TAAR1: variants seen among roughly 807,000 people sequenced by gnomAD.
TAAR1 encodes the protein trace amine-associated receptor 1.
A neutral mutation model predicts 1.2 loss-of-function variants in TAAR1; 1 was observed. The ratio of observed to expected loss-of-function variants is 0.81; its 90% CI spans 0.29 to 3.86. The LOEUF is 3.86. TAAR1 is among the 30% of genes most tolerant of loss of function. The pLI is 0.18. For missense variants in TAAR1, 445 were observed against 405.6 expected (o/e 1.10, Z -0.83); for synonymous variants, 153 against 132.2 (o/e 1.16, Z -1.08).
In TAAR1 at chr6:132,646,123, C is replaced by T; in HGVS notation, c.-120G>A. The T allele has an allele frequency of 1.7e-6, 2 of 1,154,142 alleles. No homozygotes were observed. The highest frequency in any genetic ancestry group is 1.2e-6 in the Non-Finnish European group (1 of 823,056). 71.5% of individuals were successfully genotyped at this position (1,154,142 alleles called of 1,614,324 possible). On this transcript the variant is annotated 5_prime_UTR_variant, in exon 2 of 2. Coordinates refer to ENST00000275216, the MANE Select transcript of TAAR1 (RefSeq NM_138327.4). ...ATTTTTTATTTGCACATACTTATCC[C>T]AGAAACCTAGGAGGAAAAATAAAAG... is the stretch of plus-strand genomic sequence containing the variant.
At chr6:132,649,185 A>T (rs1777719995) in intron 1 of TAAR1, among the ~76,000 whole-genome samples, 1 of 152,104 alleles carries the variant, frequency 6.6e-6, no homozygotes, top group Admixed American at 6.6e-5. Flanking sequence ...TACTCACAAA[A>T]CCCTTCCAAG....
Position 132,644,925 on chromosome 6 carries a change from A to G in TAAR1, c.*59T>C, listed in dbSNP as rs113788894. 545 of 1,383,116 alleles carry G rather than the reference A, an allele frequency of 3.9e-4. 3 individuals are homozygous for G. In the African/African-American group the frequency reaches 7.2e-3, roughly 18 times the overall value. 85.7% of individuals were successfully genotyped at this position (1,383,116 alleles called of 1,614,324 possible). On this transcript the variant is annotated 3_prime_UTR_variant, in exon 2 of 2. Transcript: ENST00000275216. ...ATGTGGTTGGTGCATGTGGTTCGTT[A>G]TGTTGTGTTCATAAATATGATCATC...
chr6:132,656,623 TA>T (rs998278316), intron 1 of TAAR1, among the ~76,000 whole-genome samples: 3 of 151,968 alleles, frequency 2.0e-5, no homozygotes, highest in East Asian at 1.9e-4. Flanking sequence ...CATAGAACCT[TA>T]AAAAAAATTC....
rs1777651909 is a variant in TAAR1 at position 132,645,334 on chromosome 6, T to G, written c.670A>C (p.Ile224Leu). ...TGGAGCTTCTGATTGGCATCACTAA[T>G]TAATCTTGCCTGTTCTTTAGCGATA... Reference protein sequence around the residue: ...YLIAKEQARLISDANQKLQIG... With the variant: ...YLIAKEQARLLSDANQKLQIG... Residue 224 changes from isoleucine to leucine, a missense_variant, in exon 2 of 2, where the codon ATT becomes CTT. Physicochemically the swap from Ile to Leu is conservative, Grantham distance 5 (BLOSUM62 2). Transcript: ENST00000275216. The G allele has an allele frequency of 6.2e-7, 1 of 1,613,560 alleles. No homozygotes were observed.
Position 132,644,896 on chromosome 6 carries a change from AT to A in TAAR1, c.*87del. ...ACTCAAGTAACTGATTTAAAAAAAA[AT>A]CCATGTGGTTGGTGCATGTGGTTCG... is the stretch of plus-strand genomic sequence containing the variant. On this transcript the variant is annotated 3_prime_UTR_variant, in exon 2 of 2. Coordinates refer to ENST00000275216, the MANE Select transcript of TAAR1 (RefSeq NM_138327.4). 2 of 1,117,356 alleles carry A rather than the reference AT, an allele frequency of 1.8e-6. No homozygotes were observed. The highest frequency in any genetic ancestry group is 3.0e-4 in the Middle Eastern group (1 of 3,284). 69.2% of individuals were successfully genotyped at this position (1,117,356 alleles called of 1,614,324 possible).
Position 132,644,779 on chromosome 6 carries a change from T to C in TAAR1, c.*205A>G, listed in dbSNP as rs542765775. Among the ~76,000 whole-genome samples the C allele has an allele frequency of 2.7e-4, 41 of 152,200 alleles. No homozygotes were observed. Among genetic ancestry groups the C allele is most frequent in the Non-Finnish European group, 4.4e-4 (30 of 67,986 alleles). ...ATACTGGATTTGCAAAGTTCCATTA[T>C]GTGTGGTAAGAATGGAAAAGCGTAT... On this transcript the variant is annotated 3_prime_UTR_variant, in exon 2 of 2. Coordinates refer to ENST00000275216, the MANE Select transcript of TAAR1 (RefSeq NM_138327.4).
Position 132,644,915 on chromosome 6 carries a change from G to A in TAAR1, c.*69C>T. The A allele has an allele frequency of 4.6e-6, 6 of 1,294,472 alleles. No individual in the cohort carries two copies. Among genetic ancestry groups the A allele is most frequent in the Non-Finnish European group, 6.2e-6 (6 of 962,968 alleles). The allele number at this position is 1,294,472 out of a possible 1,614,324, so 80.2% of individuals were successfully genotyped here. A position where few individuals can be genotyped will look rare whatever the true frequency, so the allele number is the denominator to read the frequency against. On this transcript the variant is annotated 3_prime_UTR_variant, in exon 2 of 2. Transcript: ENST00000275216. ...AAAAAAATCCATGTGGTTGGTGCAT[G>A]TGGTTCGTTATGTTGTGTTCATAAA... is the stretch of plus-strand genomic sequence containing the variant.
In TAAR1 at chr6:132,645,351, T is replaced by A. The variant is rs202026301; in HGVS notation, c.653A>T (p.Lys218Ile). Reference sequence around the variant, plus strand: ...ATCACTAATTAATCTTGCCTGTTCTTTAGCGATAAGATATATTCTGTAATA... The same window carrying A: ...ATCACTAATTAATCTTGCCTGTTCTATAGCGATAAGATATATTCTGTAATA... ...CVYYRIYLIA[K>I]EQARLISDAN... The change falls in exon 2 of 2, where the codon AAA (lysine) becomes ATA (isoleucine). Residue 218 changes from lysine to isoleucine, a missense_variant. Physicochemically the swap from Lys to Ile is moderately radical, Grantham distance 102. Coordinates refer to ENST00000275216, the MANE Select transcript of TAAR1 (RefSeq NM_138327.4). 6.2e-7 allele frequency: 1 copy of A among 1,613,482 alleles called. No homozygotes were observed. Among genetic ancestry groups the A allele is most frequent in the East Asian group, 2.2e-5 (1 of 44,852 alleles).
intron 1 of TAAR1, among the ~76,000 whole-genome samples, chr6:132,653,123 G>C (rs932081071): frequency 6.6e-6 from 1 of 152,068 alleles, no homozygotes; most frequent in Non-Finnish European, 1.5e-5. Context: ...AAAATCACCT[G>C]AGCTCCAAAG....
intron 1 of TAAR1, among the ~76,000 whole-genome samples, chr6:132,654,352 G>A (rs1203875051): frequency 6.6e-6 from 1 of 152,132 alleles, no homozygotes; most frequent in African/African-American, 2.4e-5. Flanking sequence ...GGTCTCTCGT[G>A]CTCTATGTCA....
At chr6:132,647,002 G>A (rs1010631211) in intron 1 of TAAR1, among the ~76,000 whole-genome samples, 1 of 152,028 alleles carries the variant, frequency 6.6e-6, no homozygotes, top group African/African-American at 2.4e-5. Flanking sequence ...TGATATTGTG[G>A]TCCCACTTAT....
chr6:132,645,800 C>T lies in TAAR1; in HGVS notation c.204G>A (p.Val68=), dbSNP rs1445133860. 2 of 1,613,736 alleles carry T rather than the reference C, an allele frequency of 1.2e-6. No individual in the cohort carries two copies. The highest frequency in any genetic ancestry group is 1.7e-6 in the Non-Finnish European group (2 of 1,179,826). Residue 68 remains valine (V), a synonymous_variant, in exon 2 of 2, where the codon GTG becomes GTA. Transcript: ENST00000275216. ...TGACCAGACACCCCAGAAGAAAGTCCACAGTGGCCATGGAATGAATGAGCC... is the reference window on the plus strand; with the variant it reads ...TGACCAGACACCCCAGAAGAAAGTCTACAGTGGCCATGGAATGAATGAGCC... ...TNWLIHSMAT[V]DFLLGCLVMP... is the part of the protein sequence containing the mutation.
chr6:132,656,254 T>A (rs1324293873), intron 1 of TAAR1, among the ~76,000 whole-genome samples: 2 of 152,250 alleles, frequency 1.3e-5, no homozygotes, highest in Non-Finnish European at 2.9e-5. Flanking sequence ...ATGCTTATAA[T>A]AGCATCTTGT....
intron 1 of TAAR1, among the ~76,000 whole-genome samples, chr6:132,652,221 G>A (rs779024379): frequency 6.6e-6 from 1 of 151,644 alleles, no homozygotes; most frequent in Non-Finnish European, 1.5e-5. Context: ...TTGGCCTTCA[G>A]GTGAAAAACT....
intron 1 of TAAR1, among the ~76,000 whole-genome samples, chr6:132,658,751 A>G (rs1562205800): frequency 2.0e-5 from 3 of 152,234 alleles, no homozygotes; most frequent in Non-Finnish European, 2.9e-5. Context: ...TAGCCAATGT[A>G]CACAGCATAG....
intron 1 of TAAR1, among the ~76,000 whole-genome samples, chr6:132,657,661 T>C (rs188255220): frequency 1.3e-5 from 2 of 152,134 alleles, no homozygotes; most frequent in African/African-American, 4.8e-5. Flanking sequence ...GAAATAAGTA[T>C]GGAATGGAAT....
At position 132,645,004 on chromosome 6, in the gene TAAR1, A is replaced by C. The variant is rs1562201597; in HGVS notation, c.1000T>G (p.Phe334Val). The part of the protein sequence containing the change: ...FQKDSSRCKL[F>V]LELSS ...TAATTCTATGAACTCAATTCCAAAA[A>C]TAATTTACACCTGGATGAATCTTTT... is the stretch of plus-strand genomic sequence containing the variant. The change falls in exon 2 of 2, where the codon TTT becomes GTT. Residue 334 changes from phenylalanine (F) to valine (V), a missense_variant. Physicochemically the swap from Phe to Val is conservative, Grantham distance 50. Coordinates refer to ENST00000275216, the MANE Select transcript of TAAR1 (RefSeq NM_138327.4). The C allele has an allele frequency of 6.4e-7, 1 of 1,564,660 alleles. No individual in the cohort carries two copies. Among genetic ancestry groups the C allele is most frequent in the African/African-American group, 1.4e-5 (1 of 72,202 alleles).
At chr6:132,654,320 A>G (rs1312023807) in intron 1 of TAAR1, among the ~76,000 whole-genome samples, 1 of 152,226 alleles carries the variant, frequency 6.6e-6, no homozygotes, top group African/African-American at 2.4e-5. Context: ...TTCTGGGGAA[A>G]TAGACACTGC....
chr6:132,653,875 G>A (rs1019355707), intron 1 of TAAR1, among the ~76,000 whole-genome samples: 2 of 152,074 alleles, frequency 1.3e-5, no homozygotes, highest in African/African-American at 4.8e-5. Flanking sequence ...GTGACCATCG[G>A]AGCATCATAA....
Sources: allele counts gnomAD v4.1 joint callset (sites outside exome capture counted in the v4.1 genomes callset), GRCh38; gene constraint gnomAD v4.1.1; transcripts MANE v1.5; gene names NCBI Gene and HGNC (gene_info 2026-07-23, HGNC 2026-07-21).